Variants in CDH18 observed in about 807,000 individuals in gnomAD.
CDH18 encodes cadherin 18.
CDH18 carries 31 observed loss-of-function variants against 67.9 expected under a neutral mutation model. The observed-to-expected ratio is 0.46, with a 90% confidence interval of 0.34 to 0.62. The LOEUF (loss-of-function observed/expected upper bound fraction) is 0.62. Among genes scored for constraint, CDH18 ranks in the 20% least tolerant of loss-of-function variants. CDH18 has a pLI of 0.01. For synonymous variants in CDH18, 362 were observed against 347.2 expected (o/e 1.04, Z -0.48); for missense variants, 890 against 975.5 (o/e 0.91, Z 1.17).
chr5:20,215,231 AAACAATTTGAGCAATACTCG>A (rs1419389388), intron 2 of CDH18, among the ~76,000 whole-genome samples: 75 of 152,048 alleles, frequency 4.9e-4, no homozygotes, highest in African/African-American at 1.6e-3. Flanking sequence ...CCTATTACTC[AAACAATTTGAGCAATACTCG>A]AACAATTTGA....
At chr5:19,912,223 A>G (rs1479415490) in intron 2 of CDH18, among the ~76,000 whole-genome samples, 4 of 152,196 alleles carry the variant, frequency 2.6e-5, no homozygotes, top group Non-Finnish European at 5.9e-5. Flanking sequence ...AGCAAAGCCA[A>G]TGGAAACAAA....
At chr5:19,506,016 G>C (rs1017387806) in intron 10 of CDH18, among the ~76,000 whole-genome samples, 6 of 152,118 alleles carry the variant, frequency 3.9e-5, no homozygotes, top group Admixed American at 2.6e-4. Flanking sequence ...GGTCTATTCA[G>C]AGATTCAACT....
chr5:20,256,562 G>A (rs1009013852), intron 1 of CDH18, among the ~76,000 whole-genome samples: 3 of 152,002 alleles, frequency 2.0e-5, no homozygotes, highest in East Asian at 1.9e-4. Context: ...AAAAGACACT[G>A]CCCTCATGGT....
intron 2 of CDH18, among the ~76,000 whole-genome samples, chr5:20,204,447 C>T (rs1284131485): frequency 6.6e-6 from 1 of 151,818 alleles, no homozygotes; most frequent in Non-Finnish European, 1.5e-5. Context: ...CAAACAATAC[C>T]TGAGAGAATT....
intron 7 of CDH18, among the ~76,000 whole-genome samples, chr5:19,581,907 G>A (rs994766661): frequency 2.6e-5 from 4 of 151,968 alleles, no homozygotes; most frequent in Non-Finnish European, 4.4e-5. Flanking sequence ...CAGAGGTCTG[G>A]CCTGGATGAT....
intron 1 of CDH18, among the ~76,000 whole-genome samples, chr5:20,461,208 T>C (rs1015760811): frequency 1.3e-5 from 2 of 152,172 alleles, no homozygotes; most frequent in Admixed American, 1.3e-4. Flanking sequence ...AGCGTCCTGC[T>C]TGGGAGCTAC....
At chr5:20,101,527 A>G (rs1195388635) in intron 2 of CDH18, among the ~76,000 whole-genome samples, 1 of 152,196 alleles carries the variant, frequency 6.6e-6, no homozygotes, top group East Asian at 1.9e-4. Flanking sequence ...AAACGCTGCT[A>G]ATTTCCACTA....
At chr5:20,445,993 C>T (rs941938165) in intron 1 of CDH18, among the ~76,000 whole-genome samples, 1 of 151,786 alleles carries the variant, frequency 6.6e-6, no homozygotes, top group Non-Finnish European at 1.5e-5. Context: ...TGTGTCTGAA[C>T]GAAAGGATGA....
chr5:19,576,173 T>C (rs957372598), intron 7 of CDH18, among the ~76,000 whole-genome samples: 3 of 152,036 alleles, frequency 2.0e-5, no homozygotes, highest in African/African-American at 7.2e-5. Context: ...GAAACCTTCA[T>C]GACATTGTTC....
chr5:20,243,448 G>T (rs1321871348), intron 2 of CDH18, among the ~76,000 whole-genome samples: 1 of 151,906 alleles, frequency 6.6e-6, no homozygotes, highest in Non-Finnish European at 1.5e-5. Flanking sequence ...TATATATCAA[G>T]AAATTTATAT....
intron 12 of CDH18, among the ~76,000 whole-genome samples, chr5:19,476,464 A>T (rs1176492058): frequency 6.6e-6 from 1 of 152,044 alleles, no homozygotes; most frequent in East Asian, 1.9e-4. Context: ...GCTTTTGCTG[A>T]ACATAGGAAA....
chr5:20,434,699 T>C (rs1749036809), intron 1 of CDH18, among the ~76,000 whole-genome samples: 2 of 152,012 alleles, frequency 1.3e-5, no homozygotes, highest in South Asian at 4.1e-4. Flanking sequence ...TTACCTAGGT[T>C]CTCCTAATCA....
At chr5:19,631,933 C>G (rs578042447) in intron 5 of CDH18, among the ~76,000 whole-genome samples, 2 of 152,096 alleles carry the variant, frequency 1.3e-5, no homozygotes, top group African/African-American at 4.8e-5. Context: ...TTCGGTCATA[C>G]AGTATAGTTG....
At chr5:20,040,191 C>T (rs1341048580) in intron 2 of CDH18, among the ~76,000 whole-genome samples, 1 of 151,992 alleles carries the variant, frequency 6.6e-6, no homozygotes, top group Non-Finnish European at 1.5e-5. Flanking sequence ...ATTAAAAAGT[C>T]AGGAAACAAC....
chr5:19,835,436 C>G (rs757786837), intron 3 of CDH18, among the ~76,000 whole-genome samples: 1 of 151,612 alleles, frequency 6.6e-6, no homozygotes, highest in Non-Finnish European at 1.5e-5. Flanking sequence ...CAACCCTGCA[C>G]GTTTTGCACA....
intron 1 of CDH18, among the ~76,000 whole-genome samples, chr5:20,331,687 C>G (rs905296855): frequency 3.9e-4 from 59 of 152,132 alleles, no homozygotes; most frequent in African/African-American, 1.4e-3. Context: ...TCTTTGAGAC[C>G]AGGGGGTCCT....
chr5:20,048,676 A>C (rs1004564282), intron 2 of CDH18, among the ~76,000 whole-genome samples: 1 of 151,666 alleles, frequency 6.6e-6, no homozygotes, highest in African/African-American at 2.4e-5. Flanking sequence ...CTAAGTTGTA[A>C]GCTGATAATG....
In CDH18 at chr5:19,834,158, T is replaced by TC. The variant is rs1041697441; in HGVS notation, c.228+4600_228+4601insG. 6.5e-4 allele frequency among the ~76,000 whole-genome samples: 98 copies of TC among 151,482 alleles called. 1 individual carries two copies. The highest frequency in any genetic ancestry group is 2.4e-4 in the Non-Finnish European group (16 of 67,780). On this transcript the variant is annotated intron_variant, in intron 3 of 12. Coordinates refer to ENST00000382275, the MANE Select transcript of CDH18 (RefSeq NM_004934.5). ...GAATCTATCTGGTCCTGGGATTTTTTTTTTTTTTTATTGGTAGGCTATTAG... is the reference window on the plus strand; with the variant it reads ...GAATCTATCTGGTCCTGGGATTTTTTCTTTTTTTTTATTGGTAGGCTATTAG...
intron 6 of CDH18, among the ~76,000 whole-genome samples, chr5:19,594,484 T>A (rs1011028897): frequency 6.6e-6 from 1 of 152,194 alleles, no homozygotes; most frequent in Non-Finnish European, 1.5e-5. Flanking sequence ...TCTCATTGTG[T>A]ATTCTTAGCA....
Sources: gnomAD v4.1 joint callset for allele counts (sites outside exome capture counted in the v4.1 genomes callset) on GRCh38, gnomAD v4.1.1 for gene constraint, MANE v1.5 for transcripts, NCBI Gene and HGNC (gene_info 2026-07-23, HGNC 2026-07-21) for gene names.